RALGPS1: variants seen among roughly 807,000 people sequenced by gnomAD.
RALGPS1 encodes the protein Ral GEF with PH domain and SH3 binding motif 1, also known as ras-specific guanine nucleotide-releasing factor RalGPS1.
A neutral mutation model predicts 78.8 loss-of-function variants in RALGPS1; 19 were observed. The observed-to-expected ratio is 0.24, with a 90% confidence interval of 0.17 to 0.35. The LOEUF is 0.35. Ranked by LOEUF, RALGPS1 falls within the 10% of genes least tolerant of loss-of-function variation. The probability of loss-of-function intolerance (pLI) is 1.00; values close to 1 mark genes in which losing one functional copy is unlikely to be tolerated. For missense variants in RALGPS1, 454 were observed against 688.3 expected (o/e 0.66, Z 3.81); for synonymous variants, 228 against 256.3 (o/e 0.89, Z 1.06).
At chr9:126,936,550 G>A (rs1255238339) in intron 1 of RALGPS1, among the ~76,000 whole-genome samples, 1 of 151,852 alleles carries the variant, frequency 6.6e-6, no homozygotes, top group East Asian at 1.9e-4. Flanking sequence ...TTTTTCCAAA[G>A]GAAAGAGAAT....
At chr9:126,989,806 C>A in intron 4 of RALGPS1, 2 of 1,505,054 alleles carry the variant, frequency 1.3e-6, no homozygotes, top group African/African-American at 2.8e-5. Context: ...TAGAGGGATT[C>A]GATTTCACCC....
chr9:127,103,577 C>G (rs2053937031), intron 8 of RALGPS1, among the ~76,000 whole-genome samples: 1 of 152,182 alleles, frequency 6.6e-6, no homozygotes, highest in South Asian at 2.1e-4. Flanking sequence ...GGTCCATTTG[C>G]TGGGAGTCAG....
At chr9:126,979,386 T>C (rs1448591025) in intron 4 of RALGPS1, among the ~76,000 whole-genome samples, 2 of 152,186 alleles carry the variant, frequency 1.3e-5, no homozygotes, top group African/African-American at 4.8e-5. Context: ...TGATCCATTA[T>C]TTCTAATCAA....
intron 5 of RALGPS1, among the ~76,000 whole-genome samples, chr9:127,036,998 T>C (rs1490867822): frequency 1.3e-5 from 2 of 152,246 alleles, no homozygotes; most frequent in African/African-American, 4.8e-5. Flanking sequence ...GTGAGTCTTA[T>C]CGCAACAACT....
chr9:127,035,604 C>T (rs1023090629), intron 5 of RALGPS1, among the ~76,000 whole-genome samples: 17 of 152,130 alleles, frequency 1.1e-4, no homozygotes, highest in African/African-American at 4.1e-4. Context: ...CCTTCTCTCT[C>T]GGAAATGCTT....
chr9:127,018,140 T>C (rs2045054288), intron 4 of RALGPS1, among the ~76,000 whole-genome samples: 1 of 152,110 alleles, frequency 6.6e-6, no homozygotes, highest in South Asian at 2.1e-4. Context: ...TGCTTGAACC[T>C]GGGAGGCGGA....
chr9:127,099,427 A>G (rs968941404), intron 8 of RALGPS1, among the ~76,000 whole-genome samples: 2 of 152,238 alleles, frequency 1.3e-5, no homozygotes, highest in African/African-American at 4.8e-5. Context: ...AACAGGAGAA[A>G]TGACTAACTG....
intron 8 of RALGPS1, among the ~76,000 whole-genome samples, chr9:127,083,005 T>C (rs2051329451): frequency 6.6e-6 from 1 of 152,136 alleles, no homozygotes; most frequent in African/African-American, 2.4e-5. Flanking sequence ...GGGTTGGATG[T>C]GATTTCCGGG....
chr9:126,969,149 TATC>T (rs1321334680), intron 3 of RALGPS1, among the ~76,000 whole-genome samples: 1 of 152,228 alleles, frequency 6.6e-6, no homozygotes, highest in Non-Finnish European at 1.5e-5. Context: ...TCTAAAATAT[TATC>T]ATTTTAAAAT....
chr9:127,044,999 A>T (rs1218223843), intron 5 of RALGPS1, among the ~76,000 whole-genome samples: 2 of 152,208 alleles, frequency 1.3e-5, no homozygotes, highest in Non-Finnish European at 2.9e-5. Context: ...GAAAAGGTAA[A>T]GCTATAGAGA....
chr9:127,221,063 A>G lies in RALGPS1; in HGVS notation c.*2294A>G, dbSNP rs902002388. On this transcript the variant is annotated 3_prime_UTR_variant, in exon 19 of 19. Transcript: ENST00000259351. ...TTTAGATTTTGTTGGCAAAAGCCTT[A>G]TAGAAGCAGTAAGAGGCTTGACCAC... 8 of 152,416 alleles carry G rather than the reference A, an allele frequency of 5.2e-5. No homozygotes were observed. Among genetic ancestry groups the G allele is most frequent in the Admixed American group, 3.3e-4 (5 of 15,278 alleles). The allele number at this position is 152,416 out of a possible 1,614,324, so 9.4% of individuals were successfully genotyped here. A position where few individuals can be genotyped will look rare whatever the true frequency, so the allele number is the denominator to read the frequency against.
intron 8 of RALGPS1, among the ~76,000 whole-genome samples, chr9:127,114,491 G>T (rs1188037144): frequency 2.6e-5 from 4 of 152,210 alleles, no homozygotes; most frequent in Non-Finnish European, 4.4e-5. Context: ...CTCTAGGCAG[G>T]ACGACGACAG....
chr9:126,989,154 T>C (rs1010586088), intron 4 of RALGPS1, among the ~76,000 whole-genome samples: 4 of 151,762 alleles, frequency 2.6e-5, no homozygotes, highest in African/African-American at 9.7e-5. Flanking sequence ...ACAGATTTGG[T>C]TAGGGGAAGG....
chr9:127,167,496 A>G (rs2059354503), intron 9 of RALGPS1, among the ~76,000 whole-genome samples: 1 of 152,188 alleles, frequency 6.6e-6, no homozygotes, highest in Admixed American at 6.5e-5. Flanking sequence ...TCTCCCCTTG[A>G]AGGTTTTCTC....
intron 8 of RALGPS1, among the ~76,000 whole-genome samples, chr9:127,083,230 A>T (rs550011973): frequency 4.6e-5 from 7 of 152,354 alleles, no homozygotes; most frequent in East Asian, 1.9e-4. Context: ...CGCCAGCAGC[A>T]GTGTTCCTTC....
intron 11 of RALGPS1, among the ~76,000 whole-genome samples, chr9:127,186,817 C>T (rs771937914): frequency 2.6e-5 from 4 of 152,158 alleles, no homozygotes; most frequent in African/African-American, 4.8e-5. Context: ...TGAGGCCAGG[C>T]GTGTCTCCCA....
chr9:127,136,632 G>A (rs893485185), intron 8 of RALGPS1, among the ~76,000 whole-genome samples: 1 of 152,158 alleles, frequency 6.6e-6, no homozygotes, highest in Non-Finnish European at 1.5e-5. Flanking sequence ...GCAGAAGCAC[G>A]TGGAGTCCTG....
intron 1 of RALGPS1, among the ~76,000 whole-genome samples, chr9:126,952,656 A>AGAGAGTGTGT (rs1554763340): frequency 1.4e-5 from 2 of 138,828 alleles, no homozygotes; most frequent in African/African-American, 5.3e-5. Context: ...AGAGAGAGAG[A>AGAGAGTGTGT]GTGTGTGTGT....
rs1421119659 is a variant in RALGPS1 at position 127,220,028 on chromosome 9, C to T, written c.*1259C>T. 6.5e-6 allele frequency: 1 copy of T among 152,690 alleles called. No individual in the cohort carries two copies. The highest frequency in any genetic ancestry group is 1.5e-5 in the Non-Finnish European group (1 of 68,048). The allele number at this position is 152,690 out of a possible 1,614,324, so 9.5% of individuals were successfully genotyped here. On this transcript the variant is annotated 3_prime_UTR_variant, in exon 19 of 19. Coordinates refer to ENST00000259351, the MANE Select transcript of RALGPS1 (RefSeq NM_014636.3). The stretch of plus-strand genomic sequence containing the variant: ...CTCTTCACATGAATCACATCCTTAT[C>T]TGTCACCTTGTGTCACATTTTAAAG...
Sources: allele counts gnomAD v4.1 joint callset (sites outside exome capture counted in the v4.1 genomes callset), GRCh38; gene constraint gnomAD v4.1.1; transcripts MANE v1.5; gene names NCBI Gene and HGNC (gene_info 2026-07-23, HGNC 2026-07-21).